Variants in GLIS1 observed in about 807,000 individuals in gnomAD.
GLIS1 encodes the protein GLIS family zinc finger 1, also known as zinc finger protein GLIS1.
Under a neutral mutation model 63.8 loss-of-function variants are expected in GLIS1, and 24 were observed. The observed-to-expected ratio is 0.38, with a 90% CI of 0.27 to 0.53. The LOEUF (loss-of-function observed/expected upper bound fraction) is 0.53. Among genes scored for constraint, GLIS1 ranks in the 20% least tolerant of loss-of-function variants. GLIS1 has a pLI of 0.85. For synonymous variants in GLIS1, 450 were observed against 482.5 expected (o/e 0.93, Z 0.88); for missense variants, 1,036 against 1,074.1 (o/e 0.96, Z 0.50).
chr1:53,605,043 G>T (rs969861910), intron 2 of GLIS1, among the ~76,000 whole-genome samples: 1 of 15,174 alleles, frequency 6.6e-5, no homozygotes, highest in Admixed American at 3.6e-3. Flanking sequence ...GCTGTTAATC[G>T]CCAACCCCCG....
At chr1:53,612,676 T>C (rs1219664982) in intron 2 of GLIS1, among the ~76,000 whole-genome samples, 1 of 152,228 alleles carries the variant, frequency 6.6e-6, no homozygotes, top group Non-Finnish European at 1.5e-5. Context: ...TTGAGCTCTC[T>C]GACTCTTGGC....
At chr1:53,548,466 G>A (rs1057400020) in intron 4 of GLIS1, among the ~76,000 whole-genome samples, 1 of 152,170 alleles carries the variant, frequency 6.6e-6, no homozygotes, top group South Asian at 2.1e-4. Flanking sequence ...CCACAACCTC[G>A]ACTCATCCCG....
intron 2 of GLIS1, among the ~76,000 whole-genome samples, chr1:53,708,737 G>C (rs1448160556): frequency 6.6e-6 from 1 of 152,150 alleles, no homozygotes; most frequent in African/African-American, 2.4e-5. Flanking sequence ...TCCCCAGGAA[G>C]TTCTCCCTGG....
chr1:53,602,840 C>T (rs1043326126), intron 2 of GLIS1, among the ~76,000 whole-genome samples: 1 of 152,228 alleles, frequency 6.6e-6, no homozygotes, highest in Non-Finnish European at 1.5e-5. Context: ...ATAAGTGTCC[C>T]CACCTTTGAC....
intron 4 of GLIS1, among the ~76,000 whole-genome samples, chr1:53,540,987 C>T (rs1242149557): frequency 2.0e-5 from 3 of 152,174 alleles, no homozygotes; most frequent in African/African-American, 7.2e-5. Flanking sequence ...AGAAATGTCC[C>T]GTGAGGCCTG....
At chr1:53,635,960 C>T (rs1488640901) in intron 2 of GLIS1, among the ~76,000 whole-genome samples, 1 of 152,158 alleles carries the variant, frequency 6.6e-6, no homozygotes, top group Non-Finnish European at 1.5e-5. Context: ...TTTAAATCTT[C>T]CCATAAAGAA....
At chr1:53,558,329 T>C (rs1182539230) in intron 4 of GLIS1, among the ~76,000 whole-genome samples, 2 of 152,200 alleles carry the variant, frequency 1.3e-5, no homozygotes, top group Non-Finnish European at 2.9e-5. Context: ...CAAAGCGATC[T>C]TTCGATGAGG....
At chr1:53,517,310 C>T (rs1382948986) in intron 7 of GLIS1, among the ~76,000 whole-genome samples, 1 of 152,176 alleles carries the variant, frequency 6.6e-6, no homozygotes, top group East Asian at 1.9e-4. Flanking sequence ...CGCTCCCTGC[C>T]TCTAGGACTC....
At chr1:53,673,893 C>T (rs947838069) in intron 2 of GLIS1, among the ~76,000 whole-genome samples, 3 of 152,144 alleles carry the variant, frequency 2.0e-5, no homozygotes, top group Admixed American at 6.5e-5. Flanking sequence ...CCACTGAGGC[C>T]GGGAGCGGTG....
Position 53,509,852 on chromosome 1 carries a change from G to A in GLIS1, c.2059C>T (p.Gln687Ter). The A allele has an allele frequency of 7.7e-7, 1 of 1,305,320 alleles. No homozygotes were observed. Among genetic ancestry groups the A allele is most frequent in the Non-Finnish European group, 9.8e-7 (1 of 1,018,348 alleles). The allele number at this position is 1,305,320 out of a possible 1,614,324, so 80.9% of individuals were successfully genotyped here. ...CGGGCCCCTGGCCAGAGCTTACCTT[G>A]TGGGCTGGGCAGAGGCGGGGGTGGA... ...SPPPPPLPSP[Q>*]GYQGSFHSIQ... is the part of the protein sequence containing the mutation. Residue 687 changes from glutamine (Q) to a stop codon, truncating the protein, a stop_gained, in exon 9 of 11, where the codon CAA becomes TAA. Coordinates refer to ENST00000628545, the MANE Select transcript of GLIS1 (RefSeq NM_001367484.1). LOFTEE classifies it high-confidence loss of function.
At chr1:53,705,007 C>G (rs372164436) in intron 2 of GLIS1, among the ~76,000 whole-genome samples, 1 of 152,288 alleles carries the variant, frequency 6.6e-6, no homozygotes, top group Admixed American at 6.5e-5. Context: ...GAAGAGGGAG[C>G]GCATGAATTC....
chr1:53,627,611 A>C (rs1190867794), intron 2 of GLIS1, among the ~76,000 whole-genome samples: 1 of 152,276 alleles, frequency 6.6e-6, no homozygotes, highest in Admixed American at 6.5e-5. Context: ...CTTTGAAGCC[A>C]TAAATCATGC....
At chr1:53,703,043 G>A (rs1432620656) in intron 2 of GLIS1, among the ~76,000 whole-genome samples, 1 of 152,188 alleles carries the variant, frequency 6.6e-6, no homozygotes, top group African/African-American at 2.4e-5. Flanking sequence ...TCTGCCACTC[G>A]CCAGCATGGG....
intron 4 of GLIS1, among the ~76,000 whole-genome samples, chr1:53,541,045 G>A (rs1045050030): frequency 6.6e-6 from 1 of 152,234 alleles, no homozygotes; most frequent in Non-Finnish European, 1.5e-5. Context: ...GGCCAGTGAA[G>A]AGTGTGGGGG....
At chr1:53,684,539 G>A (rs1445679172) in intron 2 of GLIS1, among the ~76,000 whole-genome samples, 4 of 152,172 alleles carry the variant, frequency 2.6e-5, no homozygotes, top group African/African-American at 9.7e-5. Context: ...GTGGGTGGCT[G>A]TTCAGAGAAT....
chr1:53,576,028 C>T (rs756759608), intron 4 of GLIS1, among the ~76,000 whole-genome samples: 33 of 152,140 alleles, frequency 2.2e-4, no homozygotes, highest in Non-Finnish European at 3.8e-4. Flanking sequence ...AAAACACCCT[C>T]AGAGGAGACA....
chr1:53,639,270 C>T lies in GLIS1; in HGVS notation c.260-38992G>A, dbSNP rs893759171. On this transcript the variant is annotated intron_variant, in intron 2 of 10. Coordinates refer to ENST00000628545, the MANE Select transcript of GLIS1 (RefSeq NM_001367484.1). This position sits in a 1 kb window ranked among gnomAD's most constrained non-coding sequence, Gnocchi z 4.6. ...CTAAGGGAGCTGCGGGCTGGCAGGG[C>T]GATGGCATATCCAGAAAGTGCCAGT... Among the ~76,000 whole-genome samples the T allele has an allele frequency of 7.9e-5, 12 of 152,062 alleles. No homozygotes were observed. Among genetic ancestry groups the T allele is most frequent in the South Asian group, 2.1e-4 (1 of 4,824 alleles).
chr1:53,614,828 T>TCA (rs2100581754), intron 2 of GLIS1, among the ~76,000 whole-genome samples: 1 of 151,324 alleles, frequency 6.6e-6, no homozygotes, highest in East Asian at 1.9e-4. Flanking sequence ...ACATACTCTT[T>TCA]CACACACATG....
intron 2 of GLIS1, among the ~76,000 whole-genome samples, chr1:53,689,942 G>A (rs192496204): frequency 6.6e-6 from 1 of 152,198 alleles, no homozygotes; most frequent in African/African-American, 2.4e-5. Flanking sequence ...TACACGTAGT[G>A]AGCGGAATGC....
Sources: allele counts gnomAD v4.1 joint callset (sites outside exome capture counted in the v4.1 genomes callset), GRCh38; gene constraint gnomAD v4.1.1; non-coding constraint Gnocchi (gnomAD v3.1); transcripts MANE v1.5; gene names NCBI Gene and HGNC (gene_info 2026-07-23, HGNC 2026-07-21).